The following PCNT variants were observed in gnomAD, a reference collection of about 807,000 sequenced individuals.
PCNT encodes kendrin.
A neutral mutation model predicts 380.4 loss-of-function variants in PCNT; 319 were observed. The ratio of observed to expected loss-of-function variants is 0.84; its 90% CI spans 0.77 to 0.92. PCNT has a LOEUF of 0.92. Among genes scored for constraint, PCNT ranks in the 40% least tolerant of loss-of-function variants. The pLI, the probability that PCNT is intolerant of heterozygous loss-of-function variation, is 0.00. For synonymous variants in PCNT, 1,845 were observed against 1,735.2 expected (o/e 1.06, Z -1.57); for missense variants, 4,400 against 4,255.3 (o/e 1.03, Z -0.95).
chr21:46,411,433 C>G lies in PCNT; in HGVS notation c.5360C>G (p.Ala1787Gly), dbSNP rs752169810. 1.1e-5 allele frequency: 17 copies of G among 1,612,314 alleles called. No individual in the cohort carries two copies. Among genetic ancestry groups the G allele is most frequent in the Non-Finnish European group, 1.4e-5 (17 of 1,179,710 alleles). The change falls in exon 28 of 47, where the codon GCC becomes GGC. Residue 1787 changes from alanine (A) to glycine (G), a missense_variant. By Grantham distance (60) the Ala-to-Gly change is moderately conservative. Coordinates refer to ENST00000359568, the MANE Select transcript of PCNT (RefSeq NM_006031.6). ...CSQAGGPRGQ[A>G]LQGELEAALE... The stretch of plus-strand genomic sequence containing the variant: ...CAGGCCGGGGGCCCTCGTGGGCAGG[C>G]CCTACAGGGCGAGCTCGAGGCTGCG...
intron 29 of PCNT, among the ~76,000 whole-genome samples, chr21:46,413,797 C>A (rs562067161): frequency 6.6e-6 from 1 of 152,050 alleles, no homozygotes; most frequent in Admixed American, 6.5e-5. Context: ...CACTTCTTTT[C>A]CCCGGGGAAG....
At chr21:46,441,162 C>T in intron 43 of PCNT, 78 bp downstream of exon 43, 1 of 891,778 alleles carries the variant, frequency 1.1e-6, no homozygotes, top group South Asian at 1.3e-5. Flanking sequence ...GTTTTTTGGT[C>T]ATTTTATTCC....
chr21:46,362,655 A>G (rs1374598764), intron 13 of PCNT, among the ~76,000 whole-genome samples: 1 of 152,006 alleles, frequency 6.6e-6, no homozygotes, highest in African/African-American at 2.4e-5. Context: ...TTTGAAAGTC[A>G]GGAAGTCAGG....
At chr21:46,443,062 C>T (rs1239951961) in intron 44 of PCNT, 5 of 202,566 alleles carry the variant, frequency 2.5e-5, no homozygotes, top group Non-Finnish European at 5.1e-5. Flanking sequence ...TGTCCCAGAG[C>T]GGCAGGCGTT....
At chr21:46,359,174 A>G (rs757081453) in intron 13 of PCNT, among the ~76,000 whole-genome samples, 4 of 151,664 alleles carry the variant, frequency 2.6e-5, no homozygotes, top group Non-Finnish European at 4.4e-5. Flanking sequence ...GCTGGTCTCA[A>G]ACTCCTGATC....
intron 3 of PCNT, among the ~76,000 whole-genome samples, chr21:46,337,899 T>A (rs903752013): frequency 1.3e-5 from 2 of 151,802 alleles, no homozygotes; most frequent in African/African-American, 2.4e-5. Flanking sequence ...TTTGAGACAG[T>A]GTCTTGCTCT....
At chr21:46,331,766 A>C (rs77335605) in intron 2 of PCNT, among the ~76,000 whole-genome samples, 1 of 143,986 alleles carries the variant, frequency 6.9e-6, no homozygotes, top group East Asian at 2.0e-4. Flanking sequence ...GCCTTGTCTC[A>C]AAAAAAAAAA....
At chr21:46,439,077 A>AT (rs1257230003) in intron 41 of PCNT, among the ~76,000 whole-genome samples, 5 of 151,212 alleles carry the variant, frequency 3.3e-5, no homozygotes, top group African/African-American at 1.2e-4. Flanking sequence ...GATTTGCTTT[A>AT]TTTTTTATAA....
chr21:46,359,152 C>A (rs2146767450), intron 13 of PCNT, among the ~76,000 whole-genome samples: 1 of 152,096 alleles, frequency 6.6e-6, no homozygotes, highest in South Asian at 2.1e-4. Flanking sequence ...AGGGTTTCAC[C>A]ATGTTGGCCA....
At chr21:46,418,518 G>C (rs2147800295) in intron 31 of PCNT, among the ~76,000 whole-genome samples, 1 of 152,298 alleles carries the variant, frequency 6.6e-6, no homozygotes, top group African/African-American at 2.4e-5. Flanking sequence ...GCTGGCCCGG[G>C]CCACGCTCCA....
At chr21:46,355,399 G>A (rs1601820484) in intron 11 of PCNT, 53 bp from the exon 12 acceptor site, 4 of 1,575,288 alleles carry the variant, frequency 2.5e-6, no homozygotes, top group Non-Finnish European at 2.6e-6. Flanking sequence ...TTATAGCTGC[G>A]AGCGAGGTAG....
intron 3 of PCNT, among the ~76,000 whole-genome samples, chr21:46,337,425 A>G (rs1033701194): frequency 2.6e-5 from 4 of 152,138 alleles, no homozygotes; most frequent in African/African-American, 9.7e-5. Context: ...TCCAGTCACA[A>G]CTGTTTTCCA....
At position 46,351,491 on chromosome 21, in the gene PCNT, C is replaced by T. The variant is rs370098360; in HGVS notation, c.1407C>T (p.Arg469=). 2 of 1,613,232 alleles carry T rather than the reference C, an allele frequency of 1.2e-6. No homozygotes were observed. The highest frequency in any genetic ancestry group is 3.3e-5 in the Admixed American group (2 of 59,996). ...LKAQSQEEIR[R]LWSQLDSART... Reference sequence around the variant, plus strand: ...CACAATCACAAGAAGAGATCAGGCGCTTGTGGTCCCAGCTTGATTCTGCCA... The same window carrying T: ...CACAATCACAAGAAGAGATCAGGCGTTTGTGGTCCCAGCTTGATTCTGCCA... Residue 469 remains arginine, a synonymous_variant, in exon 9 of 47, where the codon CGC becomes CGT. Transcript: ENST00000359568.
At chr21:46,412,175 T>A (rs2086811218) in intron 28 of PCNT, 108 bp downstream of exon 28, 1 of 1,309,950 alleles carries the variant, frequency 7.6e-7, no homozygotes, top group Non-Finnish European at 1.1e-6. Flanking sequence ...GCAGTTGTCA[T>A]GGTGGCTCAT....
Position 46,402,396 on chromosome 21 carries a change from A to G in PCNT, c.5028A>G (p.Ile1676Met). ...KGDLESKNEE[I>M]LHLNLKLDMQ... is the part of the protein sequence containing the mutation. ...ACTTAGAAAGTAAAAATGAAGAAAT[A>G]CTACATCTGAACTTAAAATTGGACA... The change falls in exon 27 of 47, where the codon ATA (isoleucine) becomes ATG (methionine). Residue 1676 changes from isoleucine (I) to methionine (M), a missense_variant. By Grantham distance (10) the Ile-to-Met change is conservative. Transcript: ENST00000359568. The G allele has an allele frequency of 6.2e-7, 1 of 1,612,764 alleles. No individual in the cohort carries two copies. Among genetic ancestry groups the G allele is most frequent in the Non-Finnish European group, 8.5e-7 (1 of 1,178,724 alleles).
In PCNT at chr21:46,354,162, T is replaced by C. The variant is rs1259439155; in HGVS notation, c.1761+94T>C. The stretch of plus-strand genomic sequence containing the variant: ...ATTATAGAGCCTGTGTTTCCGTCCT[T>C]CCCACCTTGTCCAGGGGAGGAAGGC... On this transcript the variant is annotated intron_variant, in intron 11 of 46. Coordinates refer to ENST00000359568, the MANE Select transcript of PCNT (RefSeq NM_006031.6). The C allele has an allele frequency of 1.3e-5, 15 of 1,121,518 alleles. No homozygotes were observed. In the Admixed American group the frequency reaches 2.8e-4, roughly 21 times the overall value. 69.5% of individuals were successfully genotyped at this position (1,121,518 alleles called of 1,614,324 possible).
chr21:46,337,664 T>C (rs1234893493), intron 3 of PCNT, among the ~76,000 whole-genome samples: 1 of 152,158 alleles, frequency 6.6e-6, no homozygotes, highest in East Asian at 1.9e-4. Flanking sequence ...CTCTCCGCAA[T>C]CTCCGCTTCC....
At position 46,366,983 on chromosome 21, in the gene PCNT, A is replaced by G. The variant is rs2084951723; in HGVS notation, c.3009A>G (p.Lys1003=). 31 of 1,614,230 alleles carry G rather than the reference A, an allele frequency of 1.9e-5. No homozygotes were observed. Among genetic ancestry groups the G allele is most frequent in the Non-Finnish European group, 2.6e-5 (31 of 1,180,044 alleles). The part of the protein sequence containing the change: ...LRADFEEQLW[K]KDSLHQTILT... ...CAGACTTTGAGGAACAACTGTGGAA[A>G]AAGGACTCTCTTCACCAAACGATTT... Residue 1003 remains lysine, a synonymous_variant, in exon 15 of 47, where the codon AAA becomes AAG. Coordinates refer to ENST00000359568, the MANE Select transcript of PCNT (RefSeq NM_006031.6).
At chr21:46,353,738 G>GTGTGTGTGTC (rs2084364528) in intron 10 of PCNT, among the ~76,000 whole-genome samples, 1 of 138,226 alleles carries the variant, frequency 7.2e-6, no homozygotes, top group African/African-American at 2.7e-5. Context: ...GTGTGTGTGT[G>GTGTGTGTGTC]TGTGTGTGTG....
Sources: gnomAD v4.1 joint callset for allele counts (sites outside exome capture counted in the v4.1 genomes callset) on GRCh38, gnomAD v4.1.1 for gene constraint, MANE v1.5 for transcripts, NCBI Gene and HGNC (gene_info 2026-07-23, HGNC 2026-07-21) for gene names.